ULK2: variants seen among roughly 807,000 people sequenced by gnomAD.
The protein encoded by ULK2 is serine/threonine-protein kinase ULK2.
ULK2 carries 76 observed loss-of-function variants against 127.5 expected under a neutral mutation model. The observed-to-expected ratio is 0.60, with a 90% CI of 0.50 to 0.72. The LOEUF (loss-of-function observed/expected upper bound fraction) is 0.72, where lower values mean the gene tolerates loss of function less well. Among genes scored for constraint, ULK2 ranks in the 30% least tolerant of loss-of-function variants. The pLI, the probability that ULK2 is intolerant of heterozygous loss-of-function variation, is 0.00. For synonymous variants in ULK2, 452 were observed against 461.9 expected, an observed-to-expected ratio of 0.98 and a Z score of 0.28; for missense variants, 1,144 against 1,295.9, an observed-to-expected ratio of 0.88 and a Z score of 1.80.
chr17:19,799,706 G>C, intron 16 of ULK2, 131 bp from the exon 17 acceptor site: 1 of 802,568 alleles, frequency 1.2e-6, no homozygotes, highest in Non-Finnish European at 1.8e-6. Flanking sequence ...AGTAACAAAC[G>C]TTTAGTTCAA....
intron 6 of ULK2, among the ~76,000 whole-genome samples, chr17:19,846,001 T>C (rs2041871803): frequency 6.6e-6 from 1 of 151,838 alleles, no homozygotes; most frequent in East Asian, 1.9e-4. Flanking sequence ...GCCAGCTACT[T>C]GCGCATCCCA....
chr17:19,816,660 C>G (rs751117196), intron 13 of ULK2, 89 bp downstream of exon 13: 30 of 1,220,718 alleles, frequency 2.5e-5, no homozygotes, highest in Admixed American at 9.3e-5. Context: ...AGGTGCCCTA[C>G]ACAAGAAAGT....
intron 9 of ULK2, chr17:19,840,472 TC>T (rs1475068143): frequency 2.2e-6 from 1 of 463,004 alleles, no homozygotes; most frequent in African/African-American, 2.0e-5. Flanking sequence ...GAAAAACTTA[TC>T]CGGGAAGGAA....
intron 3 of ULK2, among the ~76,000 whole-genome samples, chr17:19,860,028 TA>T (rs1276446457): frequency 3.9e-5 from 6 of 152,164 alleles, no homozygotes; most frequent in African/African-American, 1.2e-4. Context: ...CTATACTGAT[TA>T]TGAAAAGGTA....
In ULK2 at chr17:19,824,487, A is replaced by C. The variant is rs903541025; in HGVS notation, c.924+607T>G. On this transcript the variant is annotated intron_variant, in intron 12 of 26. Transcript: ENST00000395544. ...AAAAAAAAAAAAAGCCTAAGAGAAG[A>C]GTGGAGTAGGAAGAAGTGACTAGAG... Among the ~76,000 whole-genome samples the C allele has an allele frequency of 2.9e-5, 4 of 139,464 alleles. No individual in the cohort carries two copies. The South Asian group carries it at 1.0e-3, about 36-fold the overall frequency. 91.5% of individuals were successfully genotyped at this position (139,464 alleles called of 152,430 possible). A position where few individuals can be genotyped will look rare whatever the true frequency, so the allele number is the denominator to read the frequency against.
intron 22 of ULK2, among the ~76,000 whole-genome samples, chr17:19,783,243 G>C (rs1256113135): frequency 6.6e-6 from 1 of 151,926 alleles, no homozygotes; most frequent in Non-Finnish European, 1.5e-5. Flanking sequence ...ACAAGGTCAG[G>C]AGTTCGAGAC....
At chr17:19,793,804 C>G (rs2087207970) in intron 20 of ULK2, among the ~76,000 whole-genome samples, 1 of 152,110 alleles carries the variant, frequency 6.6e-6, no homozygotes, top group Non-Finnish European at 1.5e-5. Context: ...CATACCCAGC[C>G]TCAATTAAAA....
intron 15 of ULK2, among the ~76,000 whole-genome samples, chr17:19,804,378 G>C (rs898126615): frequency 1.3e-5 from 2 of 151,958 alleles, no homozygotes; most frequent in African/African-American, 4.8e-5. Context: ...CAACTGGTGG[G>C]ATTTCATTTT....
intron 10 of ULK2, among the ~76,000 whole-genome samples, chr17:19,833,723 A>C (rs901748562): frequency 6.6e-5 from 10 of 152,228 alleles, no homozygotes; most frequent in African/African-American, 2.4e-4. Flanking sequence ...TGAATAAAAC[A>C]ATCAGCAAGG....
intron 14 of ULK2, among the ~76,000 whole-genome samples, chr17:19,805,334 T>G (rs1380300342): frequency 6.6e-6 from 1 of 152,190 alleles, no homozygotes; most frequent in Admixed American, 6.5e-5. Flanking sequence ...GACGTCCACA[T>G]TTTGTAGTGT....
chr17:19,857,095 C>T (rs1014518195), intron 3 of ULK2, among the ~76,000 whole-genome samples: 53 of 151,108 alleles, frequency 3.5e-4, no homozygotes, highest in Non-Finnish European at 5.3e-4. Flanking sequence ...CACCTGAGGT[C>T]GGGAGTTCGA....
Position 19,782,183 on chromosome 17 carries a change from G to A in ULK2, c.2461-116C>T, listed in dbSNP as rs1362884560. The stretch of plus-strand genomic sequence containing the variant: ...TTTCTATACTTATGAGTATCAGAAT[G>A]ACAAAAGGAGATTGAAATTTTTAAA... On this transcript the variant is annotated intron_variant, in intron 22 of 26. Transcript: ENST00000395544. 6 of 1,095,440 alleles carry A rather than the reference G, an allele frequency of 5.5e-6. No homozygotes were observed. The East Asian group carries it at 1.3e-4, about 24-fold the overall frequency. 67.9% of individuals were successfully genotyped at this position (1,095,440 alleles called of 1,614,324 possible). A position where few individuals can be genotyped will look rare whatever the true frequency, so the allele number is the denominator to read the frequency against.
intron 13 of ULK2, among the ~76,000 whole-genome samples, chr17:19,814,411 C>CATATATATAT: frequency 5.5e-5 from 2 of 36,530 alleles, no homozygotes; most frequent in African/African-American, 2.4e-4. Flanking sequence ...TTATTATATA[C>CATATATATAT]ATATATATAT....
chr17:19,822,796 C>T (rs1256499251), intron 12 of ULK2, among the ~76,000 whole-genome samples: 1 of 152,080 alleles, frequency 6.6e-6, no homozygotes, highest in East Asian at 1.9e-4. Flanking sequence ...AAGCGATTCT[C>T]CTGCCTCAGC....
chr17:19,834,922 A>C (rs2041554152), intron 10 of ULK2, among the ~76,000 whole-genome samples: 1 of 151,808 alleles, frequency 6.6e-6, no homozygotes, highest in African/African-American at 2.4e-5. Flanking sequence ...AAAAAAAAAA[A>C]AAGAGAAACA....
intron 2 of ULK2, among the ~76,000 whole-genome samples, 190 bp downstream of exon 2, chr17:19,865,546 C>T (rs2042334640): frequency 6.6e-6 from 1 of 152,144 alleles, no homozygotes; most frequent in Non-Finnish European, 1.5e-5. Flanking sequence ...CAGAATCCCT[C>T]TGAGCTTTGG....
intron 10 of ULK2, among the ~76,000 whole-genome samples, chr17:19,830,668 G>T (rs2041416835): frequency 6.7e-6 from 1 of 148,964 alleles, no homozygotes; most frequent in African/African-American, 2.5e-5. Context: ...GAAATAACGG[G>T]AAAATCCACA....
At chr17:19,845,467 A>G in intron 6 of ULK2, 90 bp from the exon 7 acceptor site, 1 of 991,252 alleles carries the variant, frequency 1.0e-6, no homozygotes. Context: ...ACAAGAAGGC[A>G]CAAAGGACTG....
At position 19,816,862 on chromosome 17, in the gene ULK2, G is replaced by A; in HGVS notation, c.983C>T (p.Pro328Leu). ...TTTGGAAACTTGTAGATAGTTGGGA[G>A]GACCCAATGGTGGGGAAGATAAGTT... is the stretch of plus-strand genomic sequence containing the variant. ...EENLSSPPLG[P>L]PNYLQVSKDS... Residue 328 changes from proline (P) to leucine (L), a missense_variant, in exon 13 of 27, where the codon CCT becomes CTT. Physicochemically the swap from Pro to Leu is moderately conservative, Grantham distance 98. Around this residue, in one of 2 missense-constraint regions of ULK2, gnomAD observed 913 missense variants for 970.5 expected, o/e 0.94. Coordinates refer to ENST00000395544, the MANE Select transcript of ULK2 (RefSeq NM_014683.4). The A allele has an allele frequency of 6.2e-7, 1 of 1,611,730 alleles. No individual in the cohort carries two copies. The highest frequency in any genetic ancestry group is 8.5e-7 in the Non-Finnish European group (1 of 1,179,318).
Sources: allele counts gnomAD v4.1 joint callset (sites outside exome capture counted in the v4.1 genomes callset), GRCh38; gene constraint gnomAD v4.1.1; regional missense constraint gnomAD v4.1.1; transcripts MANE v1.5; gene names NCBI Gene and HGNC (gene_info 2026-07-23, HGNC 2026-07-21).